Variants in CCDC178 observed in about 807,000 individuals in gnomAD.
CCDC178 encodes coiled-coil domain containing 178.
CCDC178 carries 126 observed loss-of-function variants against 117.4 expected under a neutral mutation model. The observed-to-expected ratio is 1.07, with a 90% CI of 0.93 to 1.24. The LOEUF (loss-of-function observed/expected upper bound fraction) is 1.24, where lower values mean the gene tolerates loss of function less well. Among genes scored for constraint, CCDC178 ranks in the 50% most tolerant of loss-of-function variants. The probability of loss-of-function intolerance (pLI) is 0.00; values close to 1 mark genes in which losing one functional copy is unlikely to be tolerated. For synonymous variants in CCDC178, 283 were observed against 313.4 expected, an observed-to-expected ratio of 0.90 and a Z score of 1.02; for missense variants, 1,030 against 986.9, an observed-to-expected ratio of 1.04 and a Z score of -0.59.
chr18:33,243,885 A>G (rs1440532825), intron 15 of CCDC178, among the ~76,000 whole-genome samples: 2 of 151,984 alleles, frequency 1.3e-5, no homozygotes, highest in African/African-American at 4.8e-5. Context: ...AAAAAAAATT[A>G]ACTGACCAAA....
At chr18:33,432,739 C>A (rs1034969695) in intron 2 of CCDC178, among the ~76,000 whole-genome samples, 2 of 152,110 alleles carry the variant, frequency 1.3e-5, no homozygotes, top group African/African-American at 4.8e-5. Flanking sequence ...AGATAAACGT[C>A]AGAAATATTT....
At chr18:33,199,740 A>G (rs541507969) in intron 20 of CCDC178, among the ~76,000 whole-genome samples, 1 of 152,276 alleles carries the variant, frequency 6.6e-6, no homozygotes, top group South Asian at 2.1e-4. Context: ...TGTATTATTA[A>G]AGATTTCCTG....
intron 20 of CCDC178, among the ~76,000 whole-genome samples, chr18:33,205,486 A>G (rs1362249892): frequency 2.0e-5 from 3 of 152,196 alleles, no homozygotes; most frequent in African/African-American, 7.2e-5. Context: ...TATTATATTC[A>G]CTGAATATTA....
intron 20 of CCDC178, among the ~76,000 whole-genome samples, chr18:33,157,391 A>G (rs2058413762): frequency 6.6e-6 from 1 of 152,182 alleles, no homozygotes; most frequent in South Asian, 2.1e-4. Context: ...CTAAGCAGTT[A>G]TTAGGTTCTA....
At chr18:32,989,959 T>C (rs934386007) in intron 21 of CCDC178, among the ~76,000 whole-genome samples, 3 of 152,124 alleles carry the variant, frequency 2.0e-5, no homozygotes, top group Admixed American at 6.5e-5. Flanking sequence ...AAGATTGATA[T>C]TTAGAAATCA....
At chr18:33,213,522 G>A (rs2059130829) in intron 19 of CCDC178, among the ~76,000 whole-genome samples, 1 of 151,840 alleles carries the variant, frequency 6.6e-6, no homozygotes. Context: ...TGACCAAAAC[G>A]ATAAAATGTT....
intron 20 of CCDC178, among the ~76,000 whole-genome samples, chr18:33,126,997 A>AAAAATATATATATAT (rs71266914): frequency 7.1e-6 from 1 of 141,186 alleles, no homozygotes; most frequent in African/African-American, 2.7e-5. Flanking sequence ...AAAAAAAAAA[A>AAAAATATATATATAT]ATATATATAT....
At chr18:33,020,663 T>C (rs1348509426) in intron 21 of CCDC178, among the ~76,000 whole-genome samples, 1 of 152,202 alleles carries the variant, frequency 6.6e-6, no homozygotes, top group African/African-American at 2.4e-5. Context: ...GTGTTTAATC[T>C]AAAATTACGT....
chr18:33,204,456 T>A (rs1382547993), intron 20 of CCDC178, among the ~76,000 whole-genome samples: 4 of 152,160 alleles, frequency 2.6e-5, no homozygotes, highest in Non-Finnish European at 4.4e-5. Context: ...GAACTGTTAA[T>A]GTGATGTCCA....
At chr18:32,995,438 C>T (rs1045282800) in intron 21 of CCDC178, among the ~76,000 whole-genome samples, 20 of 151,736 alleles carry the variant, frequency 1.3e-4, no homozygotes, top group African/African-American at 3.9e-4. Context: ...AATAAAATCA[C>T]AACATGAAAT....
At chr18:32,979,404 C>T (rs1477951975) in intron 21 of CCDC178, among the ~76,000 whole-genome samples, 1 of 152,058 alleles carries the variant, frequency 6.6e-6, no homozygotes, top group East Asian at 1.9e-4. Context: ...GGTGATCTGC[C>T]CTCCTCAGCC....
intron 5 of CCDC178, among the ~76,000 whole-genome samples, chr18:33,387,255 T>A (rs1208630918): frequency 1.3e-5 from 2 of 152,146 alleles, no homozygotes; most frequent in Non-Finnish European, 2.9e-5. Context: ...ATAGGAAGAA[T>A]CAATATCTTG....
rs1036594625 is a variant in CCDC178 at position 33,075,906 on chromosome 18, T to C, written c.2388+16855A>G. 5.3e-5 allele frequency among the ~76,000 whole-genome samples: 8 copies of C among 152,018 alleles called. 1 individual carries two copies. In the South Asian group the frequency reaches 1.7e-3, roughly 32 times the overall value. ...ATCACTTGCTCCCAGGAGGCGGAGG[T>C]TGTAGTGAGCTGAGATTGCACCACT... On this transcript the variant is annotated intron_variant, in intron 21 of 22. Transcript: ENST00000383096.
At chr18:33,281,754 T>C (rs554240912) in intron 12 of CCDC178, among the ~76,000 whole-genome samples, 2 of 152,390 alleles carry the variant, frequency 1.3e-5, no homozygotes, top group African/African-American at 4.8e-5. Flanking sequence ...CATTCTTACC[T>C]GTGCTTCTTG....
intron 21 of CCDC178, among the ~76,000 whole-genome samples, chr18:33,061,339 A>C (rs2056916890): frequency 6.6e-6 from 1 of 152,104 alleles, no homozygotes; most frequent in Non-Finnish European, 1.5e-5. Flanking sequence ...ATTGAAGTAT[A>C]AATAAAGAAA....
chr18:33,213,218 T>G (rs2059127265), intron 19 of CCDC178, among the ~76,000 whole-genome samples: 1 of 151,978 alleles, frequency 6.6e-6, no homozygotes, highest in Non-Finnish European at 1.5e-5. Context: ...TAGTCCTGCC[T>G]TTTTCTGATT....
chr18:33,261,365 G>C (rs1182717479), intron 14 of CCDC178, among the ~76,000 whole-genome samples: 2 of 152,096 alleles, frequency 1.3e-5, no homozygotes, highest in Non-Finnish European at 2.9e-5. Context: ...CTACAGGCTT[G>C]AGCCACCACG....
chr18:33,083,889 A>G (rs1446697153), intron 21 of CCDC178, among the ~76,000 whole-genome samples: 1 of 152,220 alleles, frequency 6.6e-6, no homozygotes, highest in Non-Finnish European at 1.5e-5. Flanking sequence ...TCAGATACCT[A>G]TTCAACTACA....
chr18:33,066,270 C>G (rs2057015066), intron 21 of CCDC178, among the ~76,000 whole-genome samples: 1 of 151,982 alleles, frequency 6.6e-6, no homozygotes, highest in South Asian at 2.1e-4. Context: ...AATCCTACAT[C>G]TGAAAGTAAA....
Sources: allele counts gnomAD v4.1 joint callset (sites outside exome capture counted in the v4.1 genomes callset), GRCh38; gene constraint gnomAD v4.1.1; transcripts MANE v1.5; gene names NCBI Gene and HGNC (gene_info 2026-07-23, HGNC 2026-07-21).